DPP6: variants seen among roughly 807,000 people sequenced by gnomAD.
DPP6 encodes dipeptidyl peptidase like 6, also known as A-type potassium channel modulatory protein DPP6.
DPP6 carries 69 observed loss-of-function variants against 122.6 expected under a neutral mutation model. The ratio of observed to expected loss-of-function variants is 0.56; its 90% CI spans 0.46 to 0.69. DPP6 has a LOEUF of 0.69. Among genes scored for constraint, DPP6 ranks in the 30% least tolerant of loss-of-function variants. The pLI is 0.00. For synonymous variants in DPP6, 418 were observed against 433.1 expected (o/e 0.97, Z 0.43); for missense variants, 928 against 1,116.9 (o/e 0.83, Z 2.41).
the DPP6 span, among the ~76,000 whole-genome samples, chr7:153,779,573 CTA>C: frequency 1.6e-5 from 2 of 122,830 alleles, no homozygotes; most frequent in Non-Finnish European, 3.3e-5. Flanking sequence ...CACATGGATT[CTA>C]TGTTATTCTG....
At chr7:154,806,618 C>G (rs1798712700) in intron 15 of DPP6, among the ~76,000 whole-genome samples, 1 of 152,230 alleles carries the variant, frequency 6.6e-6, no homozygotes, top group African/African-American at 2.4e-5. Context: ...TCTCAGATTG[C>G]TAGCCATCCA....
chr7:154,246,945 C>T (rs143380593), intron 1 of DPP6, among the ~76,000 whole-genome samples: 1 of 152,148 alleles, frequency 6.6e-6, no homozygotes, highest in Non-Finnish European at 1.5e-5. Context: ...CGAAAAAGTT[C>T]CTACCATAAA....
chr7:153,812,032 C>T, the DPP6 span, among the ~76,000 whole-genome samples: 12 of 151,100 alleles, frequency 7.9e-5, no homozygotes, highest in African/African-American at 2.4e-4. Flanking sequence ...ATGCACAGCC[C>T]GGATCCACAC....
intron 1 of DPP6, among the ~76,000 whole-genome samples, chr7:153,939,114 A>G (rs1187598116): frequency 6.6e-6 from 1 of 152,128 alleles, no homozygotes; most frequent in African/African-American, 2.4e-5. Flanking sequence ...GTCATTTTTT[A>G]ATATATTATT....
intron 1 of DPP6, among the ~76,000 whole-genome samples, chr7:154,213,273 AATACTTTTATTTC>A (rs1362125098): frequency 6.6e-6 from 1 of 152,238 alleles, no homozygotes; most frequent in Non-Finnish European, 1.5e-5. Flanking sequence ...GTAGCAATTC[AATACTTTTATTTC>A]AGAATGTGTA....
At chr7:154,223,902 G>T (rs1034662997) in intron 1 of DPP6, among the ~76,000 whole-genome samples, 1 of 148,490 alleles carries the variant, frequency 6.7e-6, no homozygotes, top group Admixed American at 6.6e-5. Flanking sequence ...TGGCCCAGCC[G>T]GGGAAACATG....
At chr7:154,779,264 C>CCCACTA (rs1258591688) in intron 10 of DPP6, among the ~76,000 whole-genome samples, 17 of 80,406 alleles carry the variant, frequency 2.1e-4, no homozygotes, top group East Asian at 1.8e-3. Context: ...TGCCACCACC[C>CCCACTA]CTATCACCAC....
intron 10 of DPP6, among the ~76,000 whole-genome samples, chr7:154,774,956 T>C (rs1796472228): frequency 6.6e-6 from 1 of 152,182 alleles, no homozygotes; most frequent in Non-Finnish European, 1.5e-5. Context: ...TTTCTGCATG[T>C]CCATGCTACT....
intron 17 of DPP6, among the ~76,000 whole-genome samples, chr7:154,857,532 G>A (rs1802944216): frequency 6.6e-6 from 1 of 152,186 alleles, no homozygotes; most frequent in Admixed American, 6.5e-5. Flanking sequence ...TTTACCTTTT[G>A]ATATGTCTGA....
intron 1 of DPP6, among the ~76,000 whole-genome samples, chr7:154,272,755 A>G (rs1803877378): frequency 1.3e-5 from 2 of 152,308 alleles, no homozygotes; most frequent in South Asian, 2.1e-4. Flanking sequence ...AGACATGGTC[A>G]TGATAAGGAC....
chr7:154,532,358 T>A (rs1347526829), intron 3 of DPP6, among the ~76,000 whole-genome samples: 1 of 151,884 alleles, frequency 6.6e-6, no homozygotes, highest in African/African-American at 2.4e-5. Flanking sequence ...ACAGGAAAAA[T>A]TTTAGCTTTA....
At chr7:154,358,200 G>A (rs1811433866) in intron 1 of DPP6, among the ~76,000 whole-genome samples, 1 of 152,156 alleles carries the variant, frequency 6.6e-6, no homozygotes, top group South Asian at 2.1e-4. Flanking sequence ...TATACTGTGA[G>A]GTATACCAGT....
chr7:154,667,434 C>T (rs1838234219), intron 6 of DPP6, among the ~76,000 whole-genome samples: 1 of 152,140 alleles, frequency 6.6e-6, no homozygotes, highest in Non-Finnish European at 1.5e-5. Flanking sequence ...AACATCATAA[C>T]ATACAAATGT....
At chr7:153,773,647 T>C in the DPP6 span, among the ~76,000 whole-genome samples, 2 of 151,182 alleles carry the variant, frequency 1.3e-5, no homozygotes, top group African/African-American at 4.8e-5. Context: ...TTAAAAATAA[T>C]TTGAACTACA....
intron 3 of DPP6, among the ~76,000 whole-genome samples, chr7:154,495,127 A>G (rs1166079958): frequency 6.6e-6 from 1 of 152,186 alleles, no homozygotes; most frequent in Non-Finnish European, 1.5e-5. Flanking sequence ...TTAGGAAAAG[A>G]GTTGTGGCAT....
chr7:154,129,197 T>A (rs927297374), intron 1 of DPP6, among the ~76,000 whole-genome samples: 12 of 152,216 alleles, frequency 7.9e-5, no homozygotes, highest in African/African-American at 2.6e-4. Context: ...GGTCAGGAAC[T>A]TAATGAACAT....
chr7:154,587,959 G>A (rs200931714), intron 5 of DPP6: 16 of 1,612,796 alleles, frequency 9.9e-6, no homozygotes, highest in Admixed American at 5.0e-5. Context: ...CCATGCACCT[G>A]CAGCCCTCAG....
intron 2 of DPP6, among the ~76,000 whole-genome samples, chr7:154,451,621 C>G (rs1275732891): frequency 1.3e-5 from 2 of 152,208 alleles, no homozygotes; most frequent in Non-Finnish European, 2.9e-5. Context: ...AGCAGCCTCC[C>G]CTCTGCAGTA....
intron 3 of DPP6, among the ~76,000 whole-genome samples, chr7:154,522,638 C>T (rs1310778242): frequency 6.6e-6 from 1 of 152,148 alleles, no homozygotes; most frequent in Non-Finnish European, 1.5e-5. Context: ...TTGGAGCCCA[C>T]ATTGCCTTCC....
Sources: gnomAD v4.1 joint callset for allele counts (sites outside exome capture counted in the v4.1 genomes callset) on GRCh38, gnomAD v4.1.1 for gene constraint, MANE v1.5 for transcripts, NCBI Gene and HGNC (gene_info 2026-07-23, HGNC 2026-07-21) for gene names.